Variants in C5orf58 observed in about 807,000 individuals in gnomAD.
C5orf58 encodes chromosome 5 open reading frame 58.
C5orf58 carries 2 observed loss-of-function variants against 2.9 expected under a neutral mutation model. The observed-to-expected ratio is 0.69, with a 90% CI of 0.28 to 2.18. The LOEUF (loss-of-function observed/expected upper bound fraction) is 2.18. Among genes scored for constraint, C5orf58 ranks in the 30% most tolerant of loss-of-function variants. The pLI is 0.13. For missense variants in C5orf58, 96 were observed against 91.7 expected, an observed-to-expected ratio of 1.05 and a Z score of -0.19; for synonymous variants, 37 against 33.4, an observed-to-expected ratio of 1.11 and a Z score of -0.37.
chr5:170,235,017 A>G lies in C5orf58; in HGVS notation c.41A>G (p.Asp14Gly). ...KRVTDHKLNV[D>G]KVIKNINTIS... is the part of the protein sequence containing the mutation. ...GTTACTGATCATAAGCTAAATGTGGACAAAGTAATTAAAAATATTAACACA... is the reference window on the plus strand; with the variant it reads ...GTTACTGATCATAAGCTAAATGTGGGCAAAGTAATTAAAAATATTAACACA... Residue 14 changes from aspartate (D) to glycine (G), a missense_variant, in exon 3 of 4, where the codon GAC becomes GGC. Coordinates refer to ENST00000593851, the MANE Select transcript of C5orf58 (RefSeq NM_001102609.3). 1 of 1,553,402 alleles carries G rather than the reference A, an allele frequency of 6.4e-7. No homozygotes were observed. Among genetic ancestry groups the G allele is most frequent in the Non-Finnish European group, 8.8e-7 (1 of 1,134,122 alleles).
chr5:170,249,630 C>A (rs1440298100), downstream of C5orf58, among the ~76,000 whole-genome samples: 1 of 152,060 alleles, frequency 6.6e-6, no homozygotes, highest in Non-Finnish European at 1.5e-5. Context: ...CACAGGAGTT[C>A]CTTCATGATC....
chr5:170,246,206 C>G lies in C5orf58; in HGVS notation c.*93C>G. On this transcript the variant is annotated 3_prime_UTR_variant, in exon 4 of 4. Transcript: ENST00000593851. The stretch of plus-strand genomic sequence containing the variant: ...TAATTTGTATATATATAATTTAAAA[C>G]AAAATAAAAATAATGTAAACAAGCA... 1 of 1,026,200 alleles carries G rather than the reference C, an allele frequency of 9.7e-7. No homozygotes were observed. The highest frequency in any genetic ancestry group is 2.7e-5 in the East Asian group (1 of 37,252). The allele number at this position is 1,026,200 out of a possible 1,614,324, so 63.6% of individuals were successfully genotyped here.
intron 3 of C5orf58, 54 bp from the exon 4 acceptor site, chr5:170,245,908 G>GT: frequency 2.6e-6 from 4 of 1,527,584 alleles, no homozygotes; most frequent in African/African-American, 1.4e-5. Context: ...AGCAATAATA[G>GT]TTTTTTATGA....
downstream of C5orf58, among the ~76,000 whole-genome samples, chr5:170,249,103 C>G (rs995061712): frequency 6.6e-6 from 1 of 152,106 alleles, no homozygotes; most frequent in South Asian, 2.1e-4. Flanking sequence ...CGGTGGATCA[C>G]CTGAGGTCAG....
chr5:170,251,875 A>C (rs1761452550), exon 3 of C5orf58: 1 of 248,962 alleles, frequency 4.0e-6, no homozygotes, highest in African/African-American at 2.2e-5. Flanking sequence ...ACTGGTGTGG[A>C]GTTTAAGTGT....
intron 3 of C5orf58, among the ~76,000 whole-genome samples, chr5:170,241,508 G>T (rs1761006748): frequency 6.7e-6 from 1 of 150,202 alleles, no homozygotes; most frequent in Non-Finnish European, 1.5e-5. Flanking sequence ...TTGTAAGTTG[G>T]ATCCCTAGGT....
At position 170,245,358 on chromosome 5, in the gene C5orf58, G is replaced by T. The variant is rs992923993; in HGVS notation, c.95-604G>T. The stretch of plus-strand genomic sequence containing the variant: ...TAATCAAGCCTGGGCAATGGTGGGC[G>T]CCCCTCCCCCAGCCTCGCTGCTGCC... On this transcript the variant is annotated intron_variant, in intron 3 of 3. Transcript: ENST00000593851. 8.0e-4 allele frequency among the ~76,000 whole-genome samples: 122 copies of T among 152,318 alleles called. 1 individual carries two copies. The highest frequency in any genetic ancestry group is 2.9e-3 in the African/African-American group (119 of 41,576).
chr5:170,240,523 C>T (rs1361420062), intron 3 of C5orf58, among the ~76,000 whole-genome samples: 2 of 151,900 alleles, frequency 1.3e-5, no homozygotes, highest in Non-Finnish European at 2.9e-5. Context: ...TCTCTGATGG[C>T]CAGTGATGAT....
chr5:170,237,411 A>C, intron 3 of C5orf58: 1 of 397,440 alleles, frequency 2.5e-6, no homozygotes, highest in Admixed American at 4.4e-5. Context: ...AAATAGAGAG[A>C]TTTAACTTTT....
downstream of C5orf58, chr5:170,250,796 G>A (rs772264698): frequency 6.2e-7 from 1 of 1,612,460 alleles, no homozygotes. Flanking sequence ...GGATCTGGAT[G>A]TTGTAAACTT....
intron 3 of C5orf58, among the ~76,000 whole-genome samples, chr5:170,240,753 T>C (rs1760968037): frequency 6.7e-6 from 1 of 149,544 alleles, no homozygotes; most frequent in South Asian, 2.1e-4. Context: ...GTAGTTTCTT[T>C]TGCTGTGCAG....
chr5:170,248,914 T>A, downstream of C5orf58: 3 of 1,214,182 alleles, frequency 2.5e-6, no homozygotes, highest in Non-Finnish European at 3.6e-6. Flanking sequence ...ATGCTGCCTC[T>A]TCAAGTGATG....
intron 2 of C5orf58, chr5:170,251,633 T>C (rs1761445626): frequency 2.2e-6 from 1 of 456,118 alleles, no homozygotes; most frequent in African/African-American, 2.0e-5. Flanking sequence ...TTTCCTTTGT[T>C]CCTTTTATTG....
At chr5:170,250,980 A>G, downstream of C5orf58, 1 of 952,836 alleles carries the variant, frequency 1.0e-6, no homozygotes, top group East Asian at 2.5e-5. Flanking sequence ...GATCTGACAA[A>G]CATGTCAGTT....
intron 3 of C5orf58, among the ~76,000 whole-genome samples, chr5:170,239,967 T>G (rs1407212128): frequency 7.0e-6 from 1 of 142,462 alleles, no homozygotes; most frequent in Non-Finnish European, 1.5e-5. Context: ...GATATTCCCC[T>G]TCCTGTGTCC....
chr5:170,246,170 G>T lies in C5orf58; in HGVS notation c.*57G>T. 7.1e-7 allele frequency: 1 copy of T among 1,416,620 alleles called. No homozygotes were observed. The highest frequency in any genetic ancestry group is 1.3e-5 in the South Asian group (1 of 77,488). 87.8% of individuals were successfully genotyped at this position (1,416,620 alleles called of 1,614,324 possible). On this transcript the variant is annotated 3_prime_UTR_variant, in exon 4 of 4. Transcript: ENST00000593851. ...GTTGAACTAACAAATATTTGGGAGA[G>T]TTGAGTTTACTAATTTGTATATATA...
At chr5:170,244,918 C>G (rs1581048165) in intron 3 of C5orf58, among the ~76,000 whole-genome samples, 1 of 151,990 alleles carries the variant, frequency 6.6e-6, no homozygotes, top group Admixed American at 6.5e-5. Flanking sequence ...GTTTTATCTA[C>G]TTTTGGTCTT....
intron 3 of C5orf58, among the ~76,000 whole-genome samples, chr5:170,242,779 C>T (rs1761075605): frequency 1.3e-5 from 2 of 151,838 alleles, no homozygotes; most frequent in African/African-American, 2.4e-5. Context: ...CTATTTCCTT[C>T]AGTTCTGCTC....
intron 3 of C5orf58, among the ~76,000 whole-genome samples, chr5:170,240,847 G>A (rs1054148030): frequency 4.9e-4 from 75 of 151,994 alleles, no homozygotes; most frequent in African/African-American, 1.5e-3. Context: ...TGAAGTCCTT[G>A]CCCATGCCTA....
Sources: allele counts gnomAD v4.1 joint callset (sites outside exome capture counted in the v4.1 genomes callset), GRCh38; gene constraint gnomAD v4.1.1; transcripts MANE v1.5; gene names NCBI Gene and HGNC (gene_info 2026-07-23, HGNC 2026-07-21).